The following UST variants were observed in gnomAD, a reference collection of about 807,000 sequenced individuals.
UST encodes chondroitin sulfate 2-O-sulfotransferase.
UST carries 21 observed loss-of-function variants against 45.6 expected under a neutral mutation model. The observed-to-expected ratio is 0.46, with a 90% confidence interval of 0.33 to 0.66. The LOEUF (loss-of-function observed/expected upper bound fraction) is 0.66. Ranked by LOEUF, UST falls within the 30% of genes least tolerant of loss-of-function variation. UST has a pLI of 0.02. For synonymous variants in UST, 215 were observed against 200.6 expected, an observed-to-expected ratio of 1.07 and a Z score of -0.61; for missense variants, 463 against 512.4, an observed-to-expected ratio of 0.90 and a Z score of 0.93.
chr6:149,049,763 G>A (rs1776452325), intron 7 of UST, among the ~76,000 whole-genome samples: 1 of 152,110 alleles, frequency 6.6e-6, no homozygotes, highest in Non-Finnish European at 1.5e-5. Context: ...GCACAGTTGT[G>A]TGCACACAAA....
At chr6:148,928,126 A>AT (rs111677489) in intron 2 of UST, among the ~76,000 whole-genome samples, 107 of 148,654 alleles carry the variant, frequency 7.2e-4, no homozygotes, top group Non-Finnish European at 1.2e-3. Flanking sequence ...CATCACTAAG[A>AT]TTTTTTTTTT....
intron 1 of UST, among the ~76,000 whole-genome samples, chr6:148,830,624 G>A (rs564222537): frequency 6.6e-6 from 1 of 152,348 alleles, no homozygotes; most frequent in African/African-American, 2.4e-5. Flanking sequence ...ACTAGGAAGA[G>A]CATTACTTGG....
At chr6:148,961,544 G>T (rs1002715093) in intron 4 of UST, among the ~76,000 whole-genome samples, 6 of 152,208 alleles carry the variant, frequency 3.9e-5, no homozygotes, top group Admixed American at 2.6e-4. Flanking sequence ...AGTTGAAAAG[G>T]CTAAGCATTG....
At chr6:149,034,702 T>G (rs1295589630) in intron 7 of UST, among the ~76,000 whole-genome samples, 1 of 152,226 alleles carries the variant, frequency 6.6e-6, no homozygotes, top group African/African-American at 2.4e-5. Context: ...TCATTTTACT[T>G]CAAGATGTTC....
chr6:148,888,153 C>T (rs997165787), intron 2 of UST, among the ~76,000 whole-genome samples: 3 of 152,044 alleles, frequency 2.0e-5, no homozygotes, highest in African/African-American at 7.2e-5. Flanking sequence ...TGGTGGAAGG[C>T]AGAGAGGAAG....
chr6:148,903,948 C>T (rs560434616), intron 2 of UST, among the ~76,000 whole-genome samples: 1 of 152,234 alleles, frequency 6.6e-6, no homozygotes, highest in Admixed American at 6.5e-5. Context: ...CAGTTTTAGT[C>T]AACAAAGACC....
At chr6:148,907,406 A>G (rs1779384449) in intron 2 of UST, among the ~76,000 whole-genome samples, 1 of 152,188 alleles carries the variant, frequency 6.6e-6, no homozygotes, top group South Asian at 2.1e-4. Context: ...CTCAGGAAGC[A>G]TATGTTGTAG....
intron 5 of UST, among the ~76,000 whole-genome samples, chr6:148,982,009 C>T (rs754572250): frequency 6.6e-6 from 1 of 152,098 alleles, no homozygotes; most frequent in Non-Finnish European, 1.5e-5. Context: ...CTGTCTGCTT[C>T]TAAGATGGTT....
chr6:148,954,082 C>T (rs911817053), intron 4 of UST, 131 bp downstream of exon 4: 103 of 558,184 alleles, frequency 1.8e-4, no homozygotes, highest in African/African-American at 1.1e-3. Context: ...ATTTTTGCTA[C>T]GGAGGGATCA....
chr6:148,899,134 C>G (rs1779197222), intron 2 of UST, among the ~76,000 whole-genome samples: 1 of 114,920 alleles, frequency 8.7e-6, no homozygotes, highest in South Asian at 3.0e-4. Flanking sequence ...GAGTCTCGCT[C>G]TGTCGCCCAG....
At chr6:149,027,265 A>G (rs1409172919) in intron 7 of UST, among the ~76,000 whole-genome samples, 1 of 152,228 alleles carries the variant, frequency 6.6e-6, no homozygotes, top group African/African-American at 2.4e-5. Flanking sequence ...ATCAATAAAA[A>G]TATCAGCCTG....
chr6:149,073,834 G>A lies in UST; in HGVS notation c.939G>A (p.Glu313=). 1 of 1,612,838 alleles carries A rather than the reference G, an allele frequency of 6.2e-7. No homozygotes were observed. The highest frequency in any genetic ancestry group is 1.1e-5 in the South Asian group (1 of 91,056). ...KGVLSIYKDP[E]HRKLGNMTVT... ...TGTGCGACCCCGGTTCTCTTCCAGA[G>A]CACAGGAAGCTTGGAAACATGACTG... The change falls in exon 8 of 8, where the codon GAG becomes GAA. Residue 313 remains glutamate, a splice_region_variant and synonymous_variant. Transcript: ENST00000367463.
intron 1 of UST, among the ~76,000 whole-genome samples, chr6:148,754,533 C>G (rs1776059272): frequency 6.6e-6 from 1 of 152,164 alleles, no homozygotes; most frequent in Admixed American, 6.5e-5. Context: ...AGCTTAGCTC[C>G]CACTTATGAG....
Position 149,076,300 on chromosome 6 carries a change from G to T in UST, c.*2184G>T, listed in dbSNP as rs893511131. ...TATGAAATTCCATATAAAGAATGAT[G>T]ATAAGTTTACACACTGTGCAATCTC... On this transcript the variant is annotated 3_prime_UTR_variant, in exon 8 of 8. Coordinates refer to ENST00000367463, the MANE Select transcript of UST (RefSeq NM_005715.3). 6.6e-6 allele frequency: 1 copy of T among 152,212 alleles called. No individual in the cohort carries two copies. Among genetic ancestry groups the T allele is most frequent in the African/African-American group, 2.4e-5 (1 of 41,444 alleles). The allele number at this position is 152,212 out of a possible 1,614,324, so 9.4% of individuals were successfully genotyped here.
intron 5 of UST, among the ~76,000 whole-genome samples, chr6:148,973,788 A>G (rs1481201825): frequency 6.6e-6 from 1 of 152,238 alleles, no homozygotes; most frequent in African/African-American, 2.4e-5. Flanking sequence ...TCTTCAAAAT[A>G]TTTTGCAAAG....
rs1322893656 is a variant in UST, at chr6:148,999,679, C to T, written c.682-19460C>T. Reference sequence around the variant, plus strand: ...ATATAGAGCAAAAATGATTACGTTTCTCTAAACATGTGACCTTGCTTTGGC... The same window carrying T: ...ATATAGAGCAAAAATGATTACGTTTTTCTAAACATGTGACCTTGCTTTGGC... On this transcript the variant is annotated intron_variant, in intron 5 of 7. Coordinates refer to ENST00000367463, the MANE Select transcript of UST (RefSeq NM_005715.3). 2.1e-5 allele frequency among the ~76,000 whole-genome samples: 3 copies of T among 140,130 alleles called. 1 individual carries two copies. Among genetic ancestry groups the T allele is most frequent in the Non-Finnish European group, 5.0e-5 (3 of 60,008 alleles). The allele number at this position is 140,130 out of a possible 152,430, so 91.9% of individuals were successfully genotyped here. A position where few individuals can be genotyped will look rare whatever the true frequency, so the allele number is the denominator to read the frequency against.
At chr6:148,984,232 C>T (rs1370541185) in intron 5 of UST, among the ~76,000 whole-genome samples, 1 of 152,208 alleles carries the variant, frequency 6.6e-6, no homozygotes, top group Non-Finnish European at 1.5e-5. Context: ...TAATGAAAAA[C>T]ACAGATGTGG....
chr6:148,976,625 G>A (rs929381258), intron 5 of UST, among the ~76,000 whole-genome samples: 3 of 152,156 alleles, frequency 2.0e-5, no homozygotes, highest in East Asian at 1.9e-4. Flanking sequence ...AGGATAAGTT[G>A]CATTTCTCTC....
intron 1 of UST, among the ~76,000 whole-genome samples, chr6:148,881,309 A>T (rs1193075913): frequency 6.6e-6 from 1 of 152,150 alleles, no homozygotes; most frequent in African/African-American, 2.4e-5. Flanking sequence ...TTGGCTGATG[A>T]TAGGAATGGG....
Sources: allele counts gnomAD v4.1 joint callset (sites outside exome capture counted in the v4.1 genomes callset), GRCh38; gene constraint gnomAD v4.1.1; transcripts MANE v1.5; gene names NCBI Gene and HGNC (gene_info 2026-07-23, HGNC 2026-07-21).